RUBCNL: variants seen among roughly 807,000 people sequenced by gnomAD.
RUBCNL encodes protein associated with UVRAG as autophagy enhancer.
RUBCNL carries 62 observed loss-of-function variants against 69.5 expected under a neutral mutation model. That is an observed-to-expected ratio of 0.89 (90% CI 0.73 to 1.10). The LOEUF (loss-of-function observed/expected upper bound fraction) is 1.10, where lower values mean the gene tolerates loss of function less well. RUBCNL is among the 50% of genes least tolerant of loss of function. RUBCNL has a pLI of 0.00. For synonymous variants in RUBCNL, 291 were observed against 303.6 expected, an observed-to-expected ratio of 0.96 and a Z score of 0.43; for missense variants, 768 against 798.1, an observed-to-expected ratio of 0.96 and a Z score of 0.45.
At chr13:46,384,609 A>G (rs1419720545) in intron 1 of RUBCNL, among the ~76,000 whole-genome samples, 4 of 152,230 alleles carry the variant, frequency 2.6e-5, no homozygotes, top group Non-Finnish European at 5.9e-5. Flanking sequence ...ACTTCTTTTA[A>G]TAAATATAAA....
Position 46,362,616 on chromosome 13 carries a change from A to G in RUBCNL, c.926-18T>C. On this transcript the variant is annotated intron_variant, in intron 6 of 14. Coordinates refer to ENST00000429979, the MANE Select transcript of RUBCNL (RefSeq NM_025113.5). ...TCCAAGCTCTGTGGGAAAATAAAAG[A>G]AAGAGTGGTGAGGTCTTTTAGTCTG... 1 of 1,584,334 alleles carries G rather than the reference A, an allele frequency of 6.3e-7. No individual in the cohort carries two copies. Among genetic ancestry groups the G allele is most frequent in the Non-Finnish European group, 8.6e-7 (1 of 1,158,214 alleles).
At chr13:46,387,073 C>G in intron 1 of RUBCNL, 61 bp downstream of exon 1, 3 of 985,160 alleles carry the variant, frequency 3.0e-6, no homozygotes, top group Non-Finnish European at 2.4e-6. Context: ...CCTTCCCTTT[C>G]TCCAACCACC....
At chr13:46,368,673 G>T in intron 4 of RUBCNL, 60 bp downstream of exon 4, 2 of 1,465,450 alleles carry the variant, frequency 1.4e-6, no homozygotes, top group Non-Finnish European at 9.4e-7. Context: ...ATTTAAATCA[G>T]AACAACACTA....
intron 10 of RUBCNL, among the ~76,000 whole-genome samples, chr13:46,353,648 C>T (rs148174862): frequency 3.3e-5 from 5 of 152,168 alleles, no homozygotes; most frequent in Non-Finnish European, 5.9e-5. Flanking sequence ...GGACCCCCCA[C>T]GACAAAGTCC....
In RUBCNL at chr13:46,335,254, GTTGTTGTT is replaced by G. The variant is rs1312809774; in HGVS notation, c.*8123_*8130del. Among the ~76,000 whole-genome samples, 3,082 of 106,616 alleles carry G rather than the reference GTTGTTGTT, an allele frequency of 0.029. 130 individuals are homozygous for G. The highest frequency in any genetic ancestry group is 0.26 in the East Asian group (966 of 3,728). The allele number at this position is 106,616 out of a possible 152,430, so 69.9% of individuals were successfully genotyped here. ...TAATTTGTGTCTTTTTGTTGTTGTT[GTTGTTGTT>G]TTTTTTTTTTTTTTTTTTTTTTTAA... On this transcript the variant is annotated 3_prime_UTR_variant, in exon 15 of 15. Transcript: ENST00000429979.
At chr13:46,343,586 AGGGGT>A in intron 14 of RUBCNL, 89 bp from the exon 15 acceptor site, 1 of 1,371,842 alleles carries the variant, frequency 7.3e-7, no homozygotes, top group Non-Finnish European at 1.0e-6. Context: ...AGGGAGGGAG[AGGGGT>A]CTGAATCCAG....
At position 46,336,519 on chromosome 13, in the gene RUBCNL, A is replaced by C. The variant is rs2138649677; in HGVS notation, c.*6866T>G. 6.6e-6 allele frequency among the ~76,000 whole-genome samples: 1 copy of C among 152,308 alleles called. No homozygotes were observed. The highest frequency in any genetic ancestry group is 2.1e-4 in the South Asian group (1 of 4,830). ...ACTATACAGAGATAATCACCACCAC[A>C]ATATGATGAAATTCATTATAGTCTA... On this transcript the variant is annotated 3_prime_UTR_variant, in exon 15 of 15. Coordinates refer to ENST00000429979, the MANE Select transcript of RUBCNL (RefSeq NM_025113.5).
At chr13:46,353,147 G>A (rs1468913956) in intron 10 of RUBCNL, among the ~76,000 whole-genome samples, 1 of 152,192 alleles carries the variant, frequency 6.6e-6, no homozygotes, top group African/African-American at 2.4e-5. Context: ...GGGAGCTAAC[G>A]CCTTTGCACT....
intron 10 of RUBCNL, among the ~76,000 whole-genome samples, chr13:46,354,278 T>TG (rs911945312): frequency 6.6e-6 from 1 of 152,164 alleles, no homozygotes; most frequent in Admixed American, 6.5e-5. Context: ...GAATAAAGCC[T>TG]GGGGTTTCAT....
chr13:46,385,601 GA>G (rs969848887), intron 1 of RUBCNL, among the ~76,000 whole-genome samples: 1 of 143,726 alleles, frequency 7.0e-6, no homozygotes, highest in Non-Finnish European at 1.5e-5. Context: ...GATGGGTGGG[GA>G]AAAAATGTGT....
At chr13:46,368,682 T>C (rs2048813133) in intron 4 of RUBCNL, 51 bp downstream of exon 4, 1 of 1,481,670 alleles carries the variant, frequency 6.7e-7, no homozygotes, top group Non-Finnish European at 9.3e-7. Context: ...AGAACAACAC[T>C]ATCTAAAGGA....
At position 46,350,290 on chromosome 13, in the gene RUBCNL, G is replaced by A. The variant is rs770389783; in HGVS notation, c.1392C>T (p.His464=). 6.3e-7 allele frequency: 1 copy of A among 1,580,180 alleles called. No homozygotes were observed. The highest frequency in any genetic ancestry group is 8.6e-7 in the Non-Finnish European group (1 of 1,162,116). ...CAGGGATGCACGACTCTGCATATGA[G>A]TGGCAGCAGTCACAGAAATACTTCC... is the stretch of plus-strand genomic sequence containing the variant. The part of the protein sequence containing the change: ...YLGKYFCDCC[H]SYAESCIPAR... The change falls in exon 11 of 15, where the codon CAC becomes CAT. Residue 464 remains histidine, a synonymous_variant. Coordinates refer to ENST00000429979, the MANE Select transcript of RUBCNL (RefSeq NM_025113.5).
At chr13:46,371,737 TAA>T (rs2048878903) in intron 3 of RUBCNL, among the ~76,000 whole-genome samples, 1 of 152,216 alleles carries the variant, frequency 6.6e-6, no homozygotes, top group Non-Finnish European at 1.5e-5. Flanking sequence ...TACATTAAGC[TAA>T]AAAGATAACA....
At chr13:46,377,158 CAT>C (rs1157790079) in intron 2 of RUBCNL, among the ~76,000 whole-genome samples, 1 of 152,174 alleles carries the variant, frequency 6.6e-6, no homozygotes, top group Non-Finnish European at 1.5e-5. Context: ...ATTTTCTACA[CAT>C]ATCTTTTGTG....
intron 7 of RUBCNL, among the ~76,000 whole-genome samples, chr13:46,362,060 T>C (rs1431173048): frequency 6.8e-6 from 1 of 147,102 alleles, no homozygotes; most frequent in Admixed American, 6.8e-5. Flanking sequence ...ACCCCATCTC[T>C]ACTAAAAATA....
intron 9 of RUBCNL, 90 bp downstream of exon 9, chr13:46,359,396 A>G: frequency 1.8e-6 from 2 of 1,094,736 alleles, no homozygotes; most frequent in Non-Finnish European, 2.5e-6. Context: ...TAGCATATGT[A>G]TTTTTTTCAC....
rs545842697 is a variant in RUBCNL at position 46,345,664 on chromosome 13, G to A, written c.1632-64C>T. 491 of 1,509,684 alleles carry A rather than the reference G, an allele frequency of 3.3e-4. 3 individuals are homozygous for A. The highest frequency in any genetic ancestry group is 2.2e-3 in the Middle Eastern group (12 of 5,488). The allele number at this position is 1,509,684 out of a possible 1,614,324, so 93.5% of individuals were successfully genotyped here. A position where few individuals can be genotyped will look rare whatever the true frequency, so the allele number is the denominator to read the frequency against. On this transcript the variant is annotated intron_variant, in intron 12 of 14. Transcript: ENST00000429979. ...CCACACAGAGGACAGGGAAGAATGG[G>A]GCCAGTTGTTTTCTCTTGGCACTCA... is the stretch of plus-strand genomic sequence containing the variant.
At chr13:46,379,015 G>A (rs1041345666) in intron 1 of RUBCNL, among the ~76,000 whole-genome samples, 5 of 152,030 alleles carry the variant, frequency 3.3e-5, no homozygotes, top group African/African-American at 9.7e-5. Flanking sequence ...TCTCTCTTTA[G>A]CACAAATCTC....
Position 46,368,165 on chromosome 13 carries a change from C to T in RUBCNL, c.703G>A (p.Glu235Lys). Residue 235 changes from glutamate to lysine, a missense_variant, in exon 5 of 15, where the codon GAG becomes AAG. By Grantham distance (56) the Glu-to-Lys change is moderately conservative. Coordinates refer to ENST00000429979, the MANE Select transcript of RUBCNL (RefSeq NM_025113.5). Reference protein sequence around the residue: ...KCNILSQQQTESWSKEVSGLL... With the variant: ...KCNILSQQQTKSWSKEVSGLL... ...CCACTGACTTCTTTACTCCAGCTCT[C>T]TGTCTGCTGTTGACTCAGAATGTTA... 6.2e-7 allele frequency: 1 copy of T among 1,614,000 alleles called. No individual in the cohort carries two copies. The highest frequency in any genetic ancestry group is 8.5e-7 in the Non-Finnish European group (1 of 1,179,892).
Sources: allele counts gnomAD v4.1 joint callset (sites outside exome capture counted in the v4.1 genomes callset), GRCh38; gene constraint gnomAD v4.1.1; transcripts MANE v1.5; gene names NCBI Gene and HGNC (gene_info 2026-07-23, HGNC 2026-07-21).